The following ZCWPW1 variants were observed in gnomAD, a reference collection of about 807,000 sequenced individuals.
The protein encoded by ZCWPW1 is zinc finger CW-type PWWP domain protein 1.
ZCWPW1 carries 56 observed loss-of-function variants against 81.3 expected under a neutral mutation model. The observed-to-expected ratio is 0.69, with a 90% CI of 0.56 to 0.86. The LOEUF is 0.86. Ranked by LOEUF, ZCWPW1 falls within the 40% of genes least tolerant of loss-of-function variation. ZCWPW1 has a pLI of 0.00. For missense variants in ZCWPW1, 650 were observed against 769.8 expected (o/e 0.84, Z 1.84); for synonymous variants, 250 against 273.7 (o/e 0.91, Z 0.86).
chr7:100,402,259 C>T, intron 16 of ZCWPW1: 1 of 806,318 alleles, frequency 1.2e-6, no homozygotes, highest in South Asian at 1.4e-5. Context: ...CAGTTCTCCT[C>T]AGAGTCTACC....
At chr7:100,419,962 C>T in intron 3 of ZCWPW1, 79 bp from the exon 4 acceptor site, 1 of 1,191,766 alleles carries the variant, frequency 8.4e-7, no homozygotes, top group Non-Finnish European at 1.2e-6. Flanking sequence ...TTTGACTAGC[C>T]ATAACAGAAT....
At chr7:100,402,722 C>T in intron 15 of ZCWPW1, 146 bp from the exon 16 acceptor site, 1 of 825,906 alleles carries the variant, frequency 1.2e-6, no homozygotes. Context: ...TTTCTGGCAA[C>T]ACAGAGAAAA....
intron 2 of ZCWPW1, among the ~76,000 whole-genome samples, chr7:100,422,771 C>T (rs1272880602): frequency 6.6e-6 from 1 of 152,146 alleles, no homozygotes; most frequent in Non-Finnish European, 1.5e-5. Flanking sequence ...CTATTGTTCC[C>T]TTCTTTGTGT....
At chr7:100,405,846 A>C (rs1219815400) in intron 12 of ZCWPW1, among the ~76,000 whole-genome samples, 4 of 152,136 alleles carry the variant, frequency 2.6e-5, no homozygotes, top group Non-Finnish European at 4.4e-5. Flanking sequence ...GGTGGTCTCA[A>C]ACTCCTGAGC....
chr7:100,403,828 T>C, intron 14 of ZCWPW1, 43 bp from the exon 15 acceptor site: 1 of 1,554,112 alleles, frequency 6.4e-7, no homozygotes, highest in Non-Finnish European at 8.9e-7. Context: ...ATTCATACCA[T>C]AAAATAGTGA....
At chr7:100,414,991 C>T (rs1467646851) in intron 8 of ZCWPW1, among the ~76,000 whole-genome samples, 1 of 150,994 alleles carries the variant, frequency 6.6e-6, no homozygotes, top group Admixed American at 6.6e-5. Flanking sequence ...CGCCACCGCA[C>T]TCCAGCCTGG....
chr7:100,423,433 C>G (rs1796700378), intron 2 of ZCWPW1, among the ~76,000 whole-genome samples: 1 of 152,204 alleles, frequency 6.6e-6, no homozygotes, highest in Non-Finnish European at 1.5e-5. Context: ...AATGGCCAAA[C>G]TCGTTCAAGG....
chr7:100,418,790 C>CAA lies in ZCWPW1; in HGVS notation c.361+319_361+320dup, dbSNP rs374789575. ...TGGGTGACAGAACAAGATTCCATCT[C>CAA]AAAAAAAAAAAAATAATAAATAAGT... is the stretch of plus-strand genomic sequence containing the variant. On this transcript the variant is annotated intron_variant, in intron 5 of 17. Transcript: ENST00000684423. 6.7e-4 allele frequency: 89 copies of CAA among 133,256 alleles called. 1 individual carries two copies. Among genetic ancestry groups the CAA allele is most frequent in the African/African-American group, 1.2e-3 (43 of 35,852 alleles). The allele number at this position is 133,256 out of a possible 1,614,324, so 8.3% of individuals were successfully genotyped here.
intron 16 of ZCWPW1, 73 bp downstream of exon 16, chr7:100,402,443 C>T (rs1792111870): frequency 6.6e-7 from 1 of 1,517,588 alleles, no homozygotes; most frequent in South Asian, 1.1e-5. Flanking sequence ...GGTCCAGCTA[C>T]CTGCAGACTC....
At chr7:100,413,810 C>A (rs904625609) in intron 8 of ZCWPW1, among the ~76,000 whole-genome samples, 1 of 151,976 alleles carries the variant, frequency 6.6e-6, no homozygotes, top group Non-Finnish European at 1.5e-5. Context: ...CCAGGCTAGT[C>A]TGGACTCAAG....
At chr7:100,408,776 G>C in intron 9 of ZCWPW1, 117 bp from the exon 10 acceptor site, 1 of 1,231,676 alleles carries the variant, frequency 8.1e-7, no homozygotes, top group Non-Finnish European at 1.1e-6. Context: ...TGGGACCAAA[G>C]GGGCACCTGG....
intron 6 of ZCWPW1, 63 bp from the exon 7 acceptor site, chr7:100,416,519 G>GA: frequency 1.3e-6 from 2 of 1,555,326 alleles, no homozygotes; most frequent in East Asian, 2.3e-5. Flanking sequence ...CTCTTCTTCT[G>GA]AAAAAACCCG....
At chr7:100,420,845 T>C (rs1292241480) in intron 2 of ZCWPW1, among the ~76,000 whole-genome samples, 167 bp from the exon 3 acceptor site, 1 of 152,156 alleles carries the variant, frequency 6.6e-6, no homozygotes, top group Non-Finnish European at 1.5e-5. Flanking sequence ...TGAGTTACTG[T>C]TTTAAAGATT....
At chr7:100,413,335 G>A (rs920023719) in intron 8 of ZCWPW1, among the ~76,000 whole-genome samples, 3 of 152,268 alleles carry the variant, frequency 2.0e-5, no homozygotes, top group South Asian at 2.1e-4. Context: ...TCTGAGCTCC[G>A]CAATCACACT....
chr7:100,403,879 G>T, intron 14 of ZCWPW1, 94 bp from the exon 15 acceptor site: 1 of 1,291,364 alleles, frequency 7.7e-7, no homozygotes, highest in South Asian at 1.2e-5. Flanking sequence ...TTCTAACTGT[G>T]CCTTTTGTGT....
At chr7:100,406,667 C>T in intron 12 of ZCWPW1, 27 bp downstream of exon 12, 1 of 1,593,838 alleles carries the variant, frequency 6.3e-7, no homozygotes, top group Non-Finnish European at 8.6e-7. Context: ...TTCTCTGTAT[C>T]ACAACAGAAC....
At chr7:100,416,246 C>G in intron 7 of ZCWPW1, 59 bp downstream of exon 7, 1 of 1,599,706 alleles carries the variant, frequency 6.3e-7, no homozygotes, top group Non-Finnish European at 8.5e-7. Context: ...GGTCCCATTC[C>G]CTAATTTCCT....
chr7:100,409,471 G>A lies in ZCWPW1; in HGVS notation c.828C>T (p.Asp276=), dbSNP rs768346152. The part of the protein sequence containing the change: ...GKWRRLCGNI[D]PSVLPDNWSC... Reference sequence around the variant, plus strand: ...ACCAATTATCTGGGAGAACTGAGGGGTCAATGTTCCCACACAGCCGCCTCC... The same window carrying A: ...ACCAATTATCTGGGAGAACTGAGGGATCAATGTTCCCACACAGCCGCCTCC... Residue 276 remains aspartate, a synonymous_variant, in exon 9 of 18, where the codon GAC becomes GAT. Transcript: ENST00000684423. 4 of 1,614,108 alleles carry A rather than the reference G, an allele frequency of 2.5e-6. No homozygotes were observed. In the East Asian group the frequency reaches 8.9e-5, roughly 36 times the overall value.
Position 100,419,626 on chromosome 7 carries a change from G to GA in ZCWPW1, c.282+3_282+4insT. The stretch of plus-strand genomic sequence containing the variant: ...CTACCAGAGCCCACCACTATGACTG[G>GA]TACCTTTTCTTTCTTCTCTGCTTGC... On this transcript the variant is annotated splice_donor_region_variant and intron_variant, in intron 4 of 17. Transcript: ENST00000684423. 1 of 1,608,498 alleles carries GA rather than the reference G, an allele frequency of 6.2e-7. No homozygotes were observed. Among genetic ancestry groups the GA allele is most frequent in the South Asian group, 1.1e-5 (1 of 90,018 alleles).
Sources: gnomAD v4.1 joint callset for allele counts (sites outside exome capture counted in the v4.1 genomes callset) on GRCh38, gnomAD v4.1.1 for gene constraint, MANE v1.5 for transcripts, NCBI Gene and HGNC (gene_info 2026-07-23, HGNC 2026-07-21) for gene names.